CNNM1: variants seen among roughly 807,000 people sequenced by gnomAD.
CNNM1 encodes cyclin and CBS domain divalent metal cation transport mediator 1.
Under a neutral mutation model 78.8 loss-of-function variants are expected in CNNM1, and 44 were observed. The observed-to-expected ratio is 0.56, with a 90% confidence interval of 0.44 to 0.72. CNNM1 has a LOEUF of 0.72. Among genes scored for constraint, CNNM1 ranks in the 30% least tolerant of loss-of-function variants. The probability of loss-of-function intolerance (pLI) is 0.00; values close to 1 mark genes in which losing one functional copy is unlikely to be tolerated. For missense variants in CNNM1, 1,101 were observed against 1,292.2 expected (o/e 0.85, Z 2.27); for synonymous variants, 584 against 581.5 (o/e 1.00, Z -0.06).
chr10:99,359,275 C>T (rs1814786239), intron 2 of CNNM1, among the ~76,000 whole-genome samples: 1 of 152,046 alleles, frequency 6.6e-6, no homozygotes, highest in African/African-American at 2.4e-5. Context: ...ACTTATCATA[C>T]AAATCAGAAA....
chr10:99,342,983 G>T (rs1589888377), intron 1 of CNNM1, among the ~76,000 whole-genome samples: 2 of 149,394 alleles, frequency 1.3e-5, no homozygotes, highest in African/African-American at 4.9e-5. Context: ...TCTTTTTTTT[G>T]AGATGGAGTC....
At chr10:99,390,572 C>T (rs1337634323) in intron 10 of CNNM1, among the ~76,000 whole-genome samples, 165 bp downstream of exon 10, 1 of 152,130 alleles carries the variant, frequency 6.6e-6, no homozygotes, top group African/African-American at 2.4e-5. Context: ...AGCACTGCAC[C>T]CTTGATAGTT....
rs111736816 is a variant in CNNM1 at position 99,372,476 on chromosome 10, G to A, written c.2177-4579G>A. Among the ~76,000 whole-genome samples, 38 of 152,254 alleles carry A rather than the reference G, an allele frequency of 2.5e-4. No individual in the cohort carries two copies. In the East Asian group the frequency reaches 4.4e-3, roughly 18 times the overall value. ...GCTGCCTGCTGACAGGTCCCGGGTT[G>A]GTGTCACATATCATACTGTTTGATC... On this transcript the variant is annotated intron_variant, in intron 6 of 10. Transcript: ENST00000356713.
At chr10:99,381,690 C>T (rs1205383101) in intron 7 of CNNM1, among the ~76,000 whole-genome samples, 16 of 150,774 alleles carry the variant, frequency 1.1e-4, no homozygotes, top group African/African-American at 3.2e-4. Flanking sequence ...TGCGGTGAGC[C>T]GAGATCGGCG....
intron 6 of CNNM1, chr10:99,368,724 G>A (rs989787287): frequency 1.1e-5 from 14 of 1,265,540 alleles, no homozygotes; most frequent in Middle Eastern, 2.1e-4. Flanking sequence ...ATCCAGAGGG[G>A]TTTGCAAGAA....
At chr10:99,356,549 A>G (rs967337765) in intron 1 of CNNM1, among the ~76,000 whole-genome samples, 2 of 112,174 alleles carry the variant, frequency 1.8e-5, no homozygotes, top group African/African-American at 7.4e-5. Flanking sequence ...AGACAGACAG[A>G]CAGACAGACA....
chr10:99,355,584 T>C (rs1314662935), intron 1 of CNNM1, among the ~76,000 whole-genome samples: 1 of 152,082 alleles, frequency 6.6e-6, no homozygotes, highest in East Asian at 1.9e-4. Context: ...GACCAGGAAA[T>C]GTGTCTATAC....
chr10:99,363,082 T>C (rs1025880622), intron 4 of CNNM1, among the ~76,000 whole-genome samples: 4 of 152,260 alleles, frequency 2.6e-5, no homozygotes, highest in Admixed American at 1.3e-4. Context: ...GCTGGTGCCC[T>C]GTCTGGCTTC....
intron 7 of CNNM1, among the ~76,000 whole-genome samples, chr10:99,382,756 G>A (rs969957917): frequency 5.3e-5 from 8 of 152,330 alleles, no homozygotes; most frequent in African/African-American, 1.9e-4. Flanking sequence ...AGCAGAGTGA[G>A]ACCCTGTCTC....
At chr10:99,379,257 C>T (rs773516700) in intron 7 of CNNM1, among the ~76,000 whole-genome samples, 16 of 152,188 alleles carry the variant, frequency 1.1e-4, no homozygotes, top group Non-Finnish European at 1.8e-4. Flanking sequence ...TGCTGCCCTT[C>T]GGGAGCTCAC....
Position 99,357,346 on chromosome 10 carries a change from C to T in CNNM1, c.1574-166C>T, listed in dbSNP as rs146941993. On this transcript the variant is annotated intron_variant, in intron 1 of 10. Transcript: ENST00000356713. ...GAAGAATAAGGTTTGCATTTATAAG[C>T]CCTTGCATTTATAAGCGCTTGCATA... is the stretch of plus-strand genomic sequence containing the variant. Among the ~76,000 whole-genome samples, 1,229 of 152,212 alleles carry T rather than the reference C, an allele frequency of 8.1e-3. 8 individuals carry two copies. The highest frequency in any genetic ancestry group is 0.027 in the South Asian group (131 of 4,808).
At chr10:99,364,115 T>G (rs2031529111) in intron 4 of CNNM1, among the ~76,000 whole-genome samples, 1 of 152,144 alleles carries the variant, frequency 6.6e-6, no homozygotes, top group Non-Finnish European at 1.5e-5. Flanking sequence ...TATGAGGCCC[T>G]GGATTAGCTG....
intron 6 of CNNM1, among the ~76,000 whole-genome samples, chr10:99,369,181 T>C (rs2134059925): frequency 6.6e-6 from 1 of 152,362 alleles, no homozygotes; most frequent in Non-Finnish European, 1.5e-5. Context: ...GTTTAACCTC[T>C]TTTGTTGATA....
At chr10:99,364,558 A>G (rs2031550496) in intron 5 of CNNM1, 42 bp downstream of exon 5, 23 of 1,503,644 alleles carry the variant, frequency 1.5e-5, no homozygotes, top group Non-Finnish European at 2.0e-5. Context: ...GTAATGGGAT[A>G]TGGTAGAAAA....
intron 5 of CNNM1, among the ~76,000 whole-genome samples, chr10:99,364,727 A>G (rs2031555005): frequency 6.6e-6 from 1 of 152,210 alleles, no homozygotes; most frequent in South Asian, 2.1e-4. Flanking sequence ...AAAAAATTGA[A>G]TTGTAAAAAG....
Position 99,329,952 on chromosome 10 carries a change from T to TG in CNNM1, c.568dup (p.Asp190GlyfsTer220). ...CGGGAAGCTCTTTTCACTCTGCGCC[T>TG]GGGATGGGCGCGCGTGGCACCACCA... is the stretch of plus-strand genomic sequence containing the variant. On this transcript the variant is annotated frameshift_variant, in exon 1 of 11. Transcript: ENST00000356713. LOFTEE classifies it high-confidence loss of function. 7.2e-7 allele frequency: 1 copy of TG among 1,385,790 alleles called. No individual in the cohort carries two copies. 85.8% of individuals were successfully genotyped at this position (1,385,790 alleles called of 1,614,324 possible).
At chr10:99,382,226 T>A (rs1158910308) in intron 7 of CNNM1, among the ~76,000 whole-genome samples, 1 of 152,214 alleles carries the variant, frequency 6.6e-6, no homozygotes, top group Admixed American at 6.5e-5. Flanking sequence ...ATCTAATAGT[T>A]ATCTGGGAAA....
chr10:99,371,067 A>G (rs947340437), intron 6 of CNNM1, among the ~76,000 whole-genome samples: 1 of 152,164 alleles, frequency 6.6e-6, no homozygotes, highest in Non-Finnish European at 1.5e-5. Flanking sequence ...ACTGCCTGGG[A>G]CCTTGCTGTA....
Position 99,329,489 on chromosome 10 carries a change from G to A in CNNM1, c.102G>A (p.Arg34=), listed in dbSNP as rs1564933412. Reference sequence around the variant, plus strand: ...TGCTCTTCTTTTCCCTGTCTCCTCGGCCCCCGGCCGCCGCCGCCTGGCTGC... The same window carrying A: ...TGCTCTTCTTTTCCCTGTCTCCTCGACCCCCGGCCGCCGCCGCCTGGCTGC... ...VLLLFFSLSP[R]PPAAAAWLLG... The change falls in exon 1 of 11, where the codon CGG becomes CGA. Residue 34 remains arginine (R), a synonymous_variant. Transcript: ENST00000356713. 29 of 1,501,232 alleles carry A rather than the reference G, an allele frequency of 1.9e-5. No homozygotes were observed. The South Asian group carries it at 3.1e-4, about 16-fold the overall frequency. 93.0% of individuals were successfully genotyped at this position (1,501,232 alleles called of 1,614,324 possible).
Sources: gnomAD v4.1 joint callset for allele counts (sites outside exome capture counted in the v4.1 genomes callset) on GRCh38, gnomAD v4.1.1 for gene constraint, MANE v1.5 for transcripts, NCBI Gene and HGNC (gene_info 2026-07-23, HGNC 2026-07-21) for gene names.